Variants in UVRAG observed in about 807,000 individuals in gnomAD.
UVRAG encodes the protein UV radiation resistance-associated gene protein.
A neutral mutation model predicts 78.0 loss-of-function variants in UVRAG; 19 were observed. That is an observed-to-expected ratio of 0.24 (90% CI 0.17 to 0.36). The LOEUF (loss-of-function observed/expected upper bound fraction) is 0.36. Ranked by LOEUF, UVRAG falls within the 10% of genes least tolerant of loss-of-function variation. The pLI, the probability that UVRAG is intolerant of heterozygous loss-of-function variation, is 1.00. For synonymous variants in UVRAG, 323 were observed against 324.6 expected (o/e 1.00, Z 0.05); for missense variants, 740 against 853.8 (o/e 0.87, Z 1.66).
At chr11:75,900,521 A>G (rs1198614868) in intron 5 of UVRAG, among the ~76,000 whole-genome samples, 1 of 152,132 alleles carries the variant, frequency 6.6e-6, no homozygotes, top group Non-Finnish European at 1.5e-5. Flanking sequence ...GGCTGAGGTT[A>G]TGCCTTACTC....
intron 12 of UVRAG, among the ~76,000 whole-genome samples, chr11:76,019,932 C>T (rs746340032): frequency 3.9e-5 from 6 of 152,198 alleles, no homozygotes; most frequent in African/African-American, 9.7e-5. Context: ...AAGTTTCCCC[C>T]GGCCCCTGAG....
At chr11:75,835,353 G>A (rs1945753490) in intron 1 of UVRAG, 1 of 152,080 alleles carries the variant, frequency 6.6e-6, no homozygotes, top group Admixed American at 6.6e-5. Context: ...AAACAGAGAT[G>A]GCAACCAACC....
chr11:76,128,439 T>C (rs1166639535), intron 14 of UVRAG, among the ~76,000 whole-genome samples: 1 of 152,198 alleles, frequency 6.6e-6, no homozygotes, highest in Non-Finnish European at 1.5e-5. Context: ...TTAGCATATG[T>C]TGATAAGTGT....
Position 75,964,693 on chromosome 11 carries a change from GA to G in UVRAG, c.699+3145del, listed in dbSNP as rs1948978635. 1.3e-5 allele frequency among the ~76,000 whole-genome samples: 2 copies of G among 152,200 alleles called. 1 individual carries two copies. The highest frequency in any genetic ancestry group is 1.3e-4 in the Admixed American group (2 of 15,288). ...CAAGGCAGGTGGATCACGAGGTCAGGAGTTCGAGACCAGCCTGGCCAGTATG... is the reference window on the plus strand; with the variant it reads ...CAAGGCAGGTGGATCACGAGGTCAGGGTTCGAGACCAGCCTGGCCAGTATG... On this transcript the variant is annotated intron_variant, in intron 7 of 14. Coordinates refer to ENST00000356136, the MANE Select transcript of UVRAG (RefSeq NM_003369.4).
At position 75,828,748 on chromosome 11, in the gene UVRAG, C is replaced by T. The variant is rs185167725; in HGVS notation, c.117+13224C>T. 2.1e-3 allele frequency among the ~76,000 whole-genome samples: 162 copies of T among 76,462 alleles called. 1 individual carries two copies. The highest frequency in any genetic ancestry group is 7.6e-3 in the African/African-American group (72 of 9,512). The allele number at this position is 76,462 out of a possible 152,430, so 50.2% of individuals were successfully genotyped here. On this transcript the variant is annotated intron_variant, in intron 1 of 14. Coordinates refer to ENST00000356136, the MANE Select transcript of UVRAG (RefSeq NM_003369.4). Reference sequence around the variant, plus strand: ...GTGTGTGTGTATATATATATATATACACACACATATATATATATATATATA... The same window carrying T: ...GTGTGTGTGTATATATATATATATATACACACATATATATATATATATATA...
intron 7 of UVRAG, among the ~76,000 whole-genome samples, chr11:75,970,333 G>T: frequency 6.6e-6 from 1 of 152,148 alleles, no homozygotes; most frequent in Non-Finnish European, 1.5e-5. Context: ...TGGTAGAATG[G>T]GTCAGGAATT....
Position 76,141,185 on chromosome 11 carries a change from G to C in UVRAG, c.1872G>C (p.Glu624Asp), listed in dbSNP as rs1166411607. Residue 624 changes from glutamate to aspartate, a missense_variant, in exon 15 of 15, where the codon GAG becomes GAC. Transcript: ENST00000356136. Reference protein sequence around the residue: ...PGEFHPVSEAELCCTVEQAEE... With the variant: ...PGEFHPVSEADLCCTVEQAEE... ...AGTTCCACCCAGTCTCAGAAGCTGA[G>C]CTCTGCTGTACTGTGGAGCAAGCAG... The C allele has an allele frequency of 1.2e-6, 2 of 1,614,178 alleles. No individual in the cohort carries two copies. Among genetic ancestry groups the C allele is most frequent in the Admixed American group, 1.7e-5 (1 of 60,020 alleles).
At chr11:75,898,710 T>A (rs1947411079) in intron 5 of UVRAG, among the ~76,000 whole-genome samples, 2 of 152,196 alleles carry the variant, frequency 1.3e-5, no homozygotes, top group African/African-American at 4.8e-5. Context: ...TTCACTGTGA[T>A]TATATACTGT....
chr11:75,913,896 G>C (rs1333716993), intron 6 of UVRAG, among the ~76,000 whole-genome samples: 2 of 152,162 alleles, frequency 1.3e-5, no homozygotes, highest in South Asian at 4.1e-4. Flanking sequence ...GCAATGATTT[G>C]GCTCTTGGGG....
At chr11:75,977,615 C>A (rs1377658188) in intron 7 of UVRAG, among the ~76,000 whole-genome samples, 10 of 152,238 alleles carry the variant, frequency 6.6e-5, no homozygotes, top group African/African-American at 2.4e-4. Flanking sequence ...GATCTCTTTA[C>A]CATTATGTAA....
At chr11:75,958,161 A>T (rs1299177776) in intron 6 of UVRAG, among the ~76,000 whole-genome samples, 1 of 152,132 alleles carries the variant, frequency 6.6e-6, no homozygotes, top group Non-Finnish European at 1.5e-5. Flanking sequence ...GACTGATCAG[A>T]TTGGTGGTTA....
At chr11:75,905,072 A>G (rs1453584951) in intron 5 of UVRAG, among the ~76,000 whole-genome samples, 2 of 152,270 alleles carry the variant, frequency 1.3e-5, no homozygotes, top group Admixed American at 6.5e-5. Context: ...TAAATTTTTT[A>G]TAGTAAGAAA....
chr11:76,071,949 A>G (rs1222664164), intron 13 of UVRAG, among the ~76,000 whole-genome samples: 1 of 152,200 alleles, frequency 6.6e-6, no homozygotes, highest in Non-Finnish European at 1.5e-5. Context: ...TGAGTTACCT[A>G]TTAGAAATCC....
chr11:76,024,980 A>G (rs1032403695), intron 12 of UVRAG, among the ~76,000 whole-genome samples: 5 of 152,214 alleles, frequency 3.3e-5, no homozygotes, highest in Non-Finnish European at 4.4e-5. Context: ...CTGATTATCT[A>G]TCTCATCTGG....
intron 5 of UVRAG, among the ~76,000 whole-genome samples, chr11:75,902,267 G>A (rs1947520130): frequency 6.6e-6 from 1 of 152,196 alleles, no homozygotes; most frequent in Non-Finnish European, 1.5e-5. Flanking sequence ...GTTTTTCCAG[G>A]GACGGGAGTG....
chr11:75,828,682 CAT>C (rs1226667199), intron 1 of UVRAG, among the ~76,000 whole-genome samples: 10 of 128,950 alleles, frequency 7.8e-5, no homozygotes, highest in African/African-American at 2.8e-4. Flanking sequence ...AATATATACA[CAT>C]ATACATGTGT....
At chr11:75,828,073 C>T (rs572896252) in intron 1 of UVRAG, among the ~76,000 whole-genome samples, 1 of 152,140 alleles carries the variant, frequency 6.6e-6, no homozygotes, top group Non-Finnish European at 1.5e-5. Context: ...GGCAGGTAGG[C>T]TGTGGGGTGC....
At chr11:76,135,791 G>A (rs976101823) in intron 14 of UVRAG, among the ~76,000 whole-genome samples, 4 of 152,264 alleles carry the variant, frequency 2.6e-5, no homozygotes, top group South Asian at 4.1e-4. Context: ...CTCTGCACCC[G>A]CAATTCTAGT....
chr11:76,073,915 A>G (rs747602627), intron 13 of UVRAG, among the ~76,000 whole-genome samples: 13 of 152,198 alleles, frequency 8.5e-5, no homozygotes, highest in Non-Finnish European at 1.5e-4. Flanking sequence ...CATGGTAACA[A>G]TGAGTGCAGA....
Sources: allele counts gnomAD v4.1 joint callset (sites outside exome capture counted in the v4.1 genomes callset), GRCh38; gene constraint gnomAD v4.1.1; transcripts MANE v1.5; gene names NCBI Gene and HGNC (gene_info 2026-07-23, HGNC 2026-07-21).